Variants in KHDRBS2 observed in about 807,000 individuals in gnomAD.
The protein encoded by KHDRBS2 is KH domain-containing, RNA-binding, signal transduction-associated protein 2.
Under a neutral mutation model 44.3 loss-of-function variants are expected in KHDRBS2, and 26 were observed. The ratio of observed to expected loss-of-function variants is 0.59; its 90% confidence interval spans 0.43 to 0.81. The LOEUF (loss-of-function observed/expected upper bound fraction) is 0.81, where lower values mean the gene tolerates loss of function less well. Ranked by LOEUF, KHDRBS2 falls within the 40% of genes least tolerant of loss-of-function variation. KHDRBS2 has a pLI of 0.00. For synonymous variants in KHDRBS2, 194 were observed against 151.1 expected (o/e 1.28, Z -2.08); for missense variants, 476 against 433.1 (o/e 1.10, Z -0.88).
chr6:62,064,051 T>C (rs1006658789), intron 2 of KHDRBS2, among the ~76,000 whole-genome samples: 10 of 139,296 alleles, frequency 7.2e-5, no homozygotes, highest in Non-Finnish European at 9.4e-5. Context: ...GAGAATAAAA[T>C]ACCTAGGAAT....
At chr6:62,007,375 T>C (rs1040497804) in intron 3 of KHDRBS2, among the ~76,000 whole-genome samples, 2 of 152,012 alleles carry the variant, frequency 1.3e-5, no homozygotes, top group African/African-American at 4.8e-5. Flanking sequence ...GATTACTTTG[T>C]TGGTTAAAGC....
the KHDRBS2 span, among the ~76,000 whole-genome samples, chr6:61,647,650 T>C: frequency 1.3e-5 from 2 of 152,176 alleles, no homozygotes; most frequent in Admixed American, 1.3e-4. Flanking sequence ...CAAAAAGTTT[T>C]CATTTAATGT....
intron 1 of KHDRBS2, among the ~76,000 whole-genome samples, chr6:62,207,563 A>G (rs1431563574): frequency 6.6e-6 from 1 of 152,108 alleles, no homozygotes; most frequent in Non-Finnish European, 1.5e-5. Flanking sequence ...TAAGTTCAAA[A>G]AACTTGCAAC....
the KHDRBS2 span, among the ~76,000 whole-genome samples, chr6:61,583,820 G>C: frequency 6.6e-6 from 1 of 151,490 alleles, no homozygotes; most frequent in African/African-American, 2.4e-5. Flanking sequence ...TTCCTTAACA[G>C]TATTGAGTCT....
chr6:62,065,294 A>G (rs1394754439), intron 2 of KHDRBS2, among the ~76,000 whole-genome samples: 4 of 151,970 alleles, frequency 2.6e-5, no homozygotes, highest in East Asian at 1.9e-4. Context: ...TATATACCCA[A>G]ATGACTATAA....
the KHDRBS2 span, among the ~76,000 whole-genome samples, chr6:61,652,783 T>C: frequency 5.9e-5 from 9 of 152,046 alleles, no homozygotes; most frequent in Non-Finnish European, 1.0e-4. Context: ...GATGTAGCCA[T>C]GGGCACAGAG....
intron 8 of KHDRBS2, among the ~76,000 whole-genome samples, chr6:61,686,908 T>A (rs2127540161): frequency 6.6e-6 from 1 of 151,370 alleles, no homozygotes; most frequent in East Asian, 2.0e-4. Context: ...CCAAAAAAAA[T>A]GAGATTTACT....
At chr6:61,636,361 T>C in the KHDRBS2 span, among the ~76,000 whole-genome samples, 1 of 152,090 alleles carries the variant, frequency 6.6e-6, no homozygotes, top group Non-Finnish European at 1.5e-5. Context: ...CTTATTAATT[T>C]GTCTCCCCAT....
At chr6:62,118,338 A>G (rs1366501959) in intron 2 of KHDRBS2, among the ~76,000 whole-genome samples, 2 of 152,122 alleles carry the variant, frequency 1.3e-5, no homozygotes, top group Non-Finnish European at 2.9e-5. Flanking sequence ...TGATGTCTAC[A>G]TGTTTGTTCT....
At chr6:61,656,622 C>T in the KHDRBS2 span, among the ~76,000 whole-genome samples, 23 of 151,940 alleles carry the variant, frequency 1.5e-4, no homozygotes, top group Non-Finnish European at 2.4e-4. Context: ...AGATTTGTAA[C>T]ATTCCCCAAT....
intron 6 of KHDRBS2, among the ~76,000 whole-genome samples, chr6:61,770,841 C>T (rs1406178227): frequency 6.6e-6 from 1 of 152,080 alleles, no homozygotes; most frequent in African/African-American, 2.4e-5. Flanking sequence ...GAGAACGCCA[C>T]AAAGATACTC....
the KHDRBS2 span, among the ~76,000 whole-genome samples, chr6:61,625,813 G>A: frequency 6.6e-6 from 1 of 152,118 alleles, no homozygotes; most frequent in Non-Finnish European, 1.5e-5. Flanking sequence ...ATTCAAACGG[G>A]CACATCAGAT....
At chr6:61,662,660 C>A in the KHDRBS2 span, among the ~76,000 whole-genome samples, 1 of 151,940 alleles carries the variant, frequency 6.6e-6, no homozygotes, top group East Asian at 1.9e-4. Flanking sequence ...TGCTCATCAT[C>A]ACTGGCCATC....
intron 2 of KHDRBS2, among the ~76,000 whole-genome samples, chr6:62,062,818 C>A (rs1253904636): frequency 6.8e-6 from 1 of 147,116 alleles, no homozygotes; most frequent in East Asian, 2.0e-4. Context: ...AAAAACCCTT[C>A]AAAAAATCAA....
intron 1 of KHDRBS2, among the ~76,000 whole-genome samples, chr6:62,235,030 A>G (rs1329256635): frequency 2.0e-5 from 3 of 151,256 alleles, no homozygotes; most frequent in Non-Finnish European, 1.5e-5. Flanking sequence ...ATTAAATGAT[A>G]GAACACATTA....
chr6:62,106,319 A>G (rs1433826673), intron 2 of KHDRBS2, among the ~76,000 whole-genome samples: 1 of 152,104 alleles, frequency 6.6e-6, no homozygotes, highest in African/African-American at 2.4e-5. Context: ...GCTGAGTTCA[A>G]TTCCAGGGGA....
chr6:61,781,556 C>T (rs1310070660), intron 6 of KHDRBS2, among the ~76,000 whole-genome samples: 2 of 152,056 alleles, frequency 1.3e-5, no homozygotes, highest in Non-Finnish European at 2.9e-5. Context: ...TTTTCCCAAA[C>T]CTTCATTTTT....
At chr6:61,805,561 A>T (rs1249145499) in intron 6 of KHDRBS2, among the ~76,000 whole-genome samples, 1 of 152,186 alleles carries the variant, frequency 6.6e-6, no homozygotes, top group East Asian at 1.9e-4. Flanking sequence ...GACATGAAGG[A>T]ACACCTAAGA....
At chr6:61,838,730 C>T (rs16900016) in intron 6 of KHDRBS2, among the ~76,000 whole-genome samples, 12,804 of 151,972 alleles carry the variant, frequency 0.084, 668 homozygotes, top group East Asian at 0.23. Flanking sequence ...AGCCAACTTG[C>T]TATCATCCTT....
Sources: gnomAD v4.1 joint callset for allele counts (sites outside exome capture counted in the v4.1 genomes callset) on GRCh38, gnomAD v4.1.1 for gene constraint, MANE v1.5 for transcripts, NCBI Gene and HGNC (gene_info 2026-07-23, HGNC 2026-07-21) for gene names.